The following DNAH10 variants were observed in gnomAD, a reference collection of about 807,000 sequenced individuals.
DNAH10 encodes axonemal beta dynein heavy chain 10.
Under a neutral mutation model 506.6 loss-of-function variants are expected in DNAH10, and 348 were observed. That is an observed-to-expected ratio of 0.69 (90% CI 0.63 to 0.75). The LOEUF is 0.75. Ranked by LOEUF, DNAH10 falls within the 30% of genes least tolerant of loss-of-function variation. The pLI is 0.00. For synonymous variants in DNAH10, 2,059 were observed against 2,198.6 expected, an observed-to-expected ratio of 0.94 and a Z score of 1.78; for missense variants, 5,179 against 5,787.1, an observed-to-expected ratio of 0.89 and a Z score of 3.41.
chr12:123,826,073 G>C (rs1959955122), intron 24 of DNAH10, among the ~76,000 whole-genome samples: 1 of 152,012 alleles, frequency 6.6e-6, no homozygotes, highest in Non-Finnish European at 1.5e-5. Flanking sequence ...GCAATGAACT[G>C]TGATCACACC....
chr12:123,827,971 T>C (rs1960160516), intron 25 of DNAH10, among the ~76,000 whole-genome samples: 1 of 152,122 alleles, frequency 6.6e-6, no homozygotes, highest in South Asian at 2.1e-4. Flanking sequence ...AAGTTCTCGG[T>C]TTTATAATCC....
rs927561826 is a variant in DNAH10 at position 123,846,859 on chromosome 12, C to T, written c.5814+705C>T. On this transcript the variant is annotated intron_variant, in intron 32 of 78. Coordinates refer to ENST00000673944, the MANE Select transcript of DNAH10 (RefSeq NM_001372106.1). This position sits in a 1 kb window ranked among gnomAD's most constrained non-coding sequence, Gnocchi z 4.5. ...TCATACCCACTGTGGATGTGGCATG[C>T]ACCTGGGCCCGTCTCCACATCACAC... Among the ~76,000 whole-genome samples the T allele has an allele frequency of 2.0e-5, 3 of 152,112 alleles. No individual in the cohort carries two copies. Among genetic ancestry groups the T allele is most frequent in the African/African-American group, 7.2e-5 (3 of 41,420 alleles).
chr12:123,871,916 G>A (rs952136956), intron 45 of DNAH10, among the ~76,000 whole-genome samples: 5 of 152,242 alleles, frequency 3.3e-5, no homozygotes, highest in African/African-American at 1.2e-4. Context: ...TGCTCAACAT[G>A]GTAGAGTGAG....
At chr12:123,830,357 G>A (rs963889293) in intron 25 of DNAH10, among the ~76,000 whole-genome samples, 189 bp from the exon 26 acceptor site, 5 of 152,142 alleles carry the variant, frequency 3.3e-5, no homozygotes, top group East Asian at 1.9e-4. Context: ...GTTGTTTTCC[G>A]GTTTAACTCT....
chr12:123,824,980 C>T lies in DNAH10; in HGVS notation c.4180-1707C>T, dbSNP rs1565952326. Among the ~76,000 whole-genome samples the T allele has an allele frequency of 4.6e-5, 7 of 151,948 alleles. No individual in the cohort carries two copies. The South Asian group carries it at 1.5e-3, about 32-fold the overall frequency. ...GAGTGGGGTTGGTGGAGGAGAGGAG[C>T]GAGGTCTGAGCCTGGGTCTCTCCAA... On this transcript the variant is annotated intron_variant, in intron 24 of 78. Transcript: ENST00000673944.
chr12:123,910,740 A>G, intron 59 of DNAH10, 68 bp downstream of exon 59: 2 of 1,552,692 alleles, frequency 1.3e-6, no homozygotes, highest in Non-Finnish European at 8.7e-7. Flanking sequence ...ATTCACATGT[A>G]CATACCTTTG....
chr12:123,859,224 G>A lies in DNAH10; in HGVS notation c.6705G>A (p.Gly2235=), dbSNP rs1290578911. ...HTTMVVGPTR[G]GKSVVINTLC... Reference sequence around the variant, plus strand: ...CGATGGTGGTGGGGCCCACCAGAGGGGGCAAGTCCGTCGTCATTAACACTC... The same window carrying A: ...CGATGGTGGTGGGGCCCACCAGAGGAGGCAAGTCCGTCGTCATTAACACTC... The change falls in exon 38 of 79, where the codon GGG becomes GGA. Residue 2235 remains glycine, a synonymous_variant. Transcript: ENST00000673944. The A allele has an allele frequency of 6.2e-7, 1 of 1,610,888 alleles. No individual in the cohort carries two copies. The highest frequency in any genetic ancestry group is 1.1e-5 in the South Asian group (1 of 90,100).
chr12:123,848,998 G>A, intron 34 of DNAH10, 116 bp downstream of exon 34: 2 of 1,264,160 alleles, frequency 1.6e-6, no homozygotes, highest in East Asian at 2.5e-5. Context: ...CAGGCTTCCT[G>A]TAGAAGATCT....
intron 44 of DNAH10, among the ~76,000 whole-genome samples, chr12:123,870,864 C>T (rs1042566123): frequency 3.9e-5 from 6 of 152,216 alleles, no homozygotes; most frequent in Admixed American, 3.9e-4. Context: ...AGGGCGCTGG[C>T]TTGAAAAGCT....
rs373996384 is a variant in DNAH10 at position 123,918,965 on chromosome 12, A to G, written c.11506+16A>G. 6.3e-7 allele frequency: 1 copy of G among 1,592,604 alleles called. No individual in the cohort carries two copies. Among genetic ancestry groups the G allele is most frequent in the Non-Finnish European group, 8.6e-7 (1 of 1,166,582 alleles). On this transcript the variant is annotated intron_variant, in intron 65 of 78. Transcript: ENST00000673944. ...GGCTGCACAGGTGAGCTCTCCCCAC[A>G]GAGGAGGACATGTTAGTGTAGTTTG... is the stretch of plus-strand genomic sequence containing the variant.
At chr12:123,910,762 C>T in intron 59 of DNAH10, 90 bp downstream of exon 59, 2 of 1,496,868 alleles carry the variant, frequency 1.3e-6, no homozygotes, top group African/African-American at 2.8e-5. Context: ...TGAAAAACTT[C>T]TCCCGAGGTT....
Position 123,813,616 on chromosome 12 carries a change from C to G in DNAH10, c.3597C>G (p.Leu1199=), listed in dbSNP as rs1207152421. ...KLLNESAKEE[L]YNLHEEMEHL... ...TCAATGAGTCAGCAAAAGAGGAGCT[C>G]TATAATCTCCATGAAGAGATGGAGG... The change falls in exon 20 of 79, where the codon CTC becomes CTG. Residue 1199 remains leucine (L), a synonymous_variant. Transcript: ENST00000673944. 6.2e-7 allele frequency: 1 copy of G among 1,614,148 alleles called. No homozygotes were observed. The highest frequency in any genetic ancestry group is 2.2e-5 in the East Asian group (1 of 44,890).
intron 59 of DNAH10, 128 bp from the exon 60 acceptor site, chr12:123,912,970 C>A: frequency 1.2e-6 from 1 of 849,800 alleles, no homozygotes; most frequent in Non-Finnish European, 1.8e-6. Flanking sequence ...CTCAACATAG[C>A]ATATAGAGGC....
Position 123,928,407 on chromosome 12 carries a change from G to T in DNAH10, c.12126G>T (p.Glu4042Asp), listed in dbSNP as rs1290153671. 1.2e-6 allele frequency: 2 copies of T among 1,603,784 alleles called. No individual in the cohort carries two copies. The highest frequency in any genetic ancestry group is 2.7e-5 in the African/African-American group (2 of 74,816). ...GQEKVALQLLETAVARGQWLM... is the reference protein window; with the variant it reads ...GQEKVALQLLDTAVARGQWLM... ...CGCAGGTGGCCCTGCAGCTGCTGGA[G>T]ACGGCGGTGGCTCGGGGGCAGTGGC... is the stretch of plus-strand genomic sequence containing the variant. Residue 4042 changes from glutamate to aspartate, a missense_variant, in exon 70 of 79, where the codon GAG becomes GAT. Glu to Asp is a conservative substitution (Grantham distance 45, BLOSUM62 2). Around this residue, in one of 3 missense-constraint regions of DNAH10, gnomAD observed 4,844 missense variants for 5,430.5 expected, o/e 0.89. Coordinates refer to ENST00000673944, the MANE Select transcript of DNAH10 (RefSeq NM_001372106.1). The surrounding 1 kb of genome is among the most constrained non-coding windows in gnomAD (Gnocchi z 4.9).
chr12:123,934,478 G>C, intron 77 of DNAH10, 143 bp from the exon 78 acceptor site: 1 of 1,016,494 alleles, frequency 9.8e-7, no homozygotes, highest in East Asian at 2.6e-5. Flanking sequence ...AGAAATGCTG[G>C]AGAAGGGCCT....
At chr12:123,793,256 T>C (rs903057568) in intron 11 of DNAH10, among the ~76,000 whole-genome samples, 4 of 152,056 alleles carry the variant, frequency 2.6e-5, no homozygotes, top group African/African-American at 4.8e-5. Context: ...CTAAGCCTTC[T>C]GGAGTTTCTT....
At chr12:123,821,523 A>G (rs139376298) in intron 24 of DNAH10, among the ~76,000 whole-genome samples, 61 of 152,098 alleles carry the variant, frequency 4.0e-4, no homozygotes, top group African/African-American at 1.3e-3. Flanking sequence ...AGTAGAGGCA[A>G]TGTCTCACTG....
At position 123,897,079 on chromosome 12, in the gene DNAH10, T is replaced by C. The variant is rs146925177; in HGVS notation, c.9281-691T>C. 3.2e-3 allele frequency among the ~76,000 whole-genome samples: 483 copies of C among 152,214 alleles called. 4 individuals carry two copies. The highest frequency in any genetic ancestry group is 0.011 in the African/African-American group (448 of 41,546). On this transcript the variant is annotated intron_variant, in intron 54 of 78. Transcript: ENST00000673944. The stretch of plus-strand genomic sequence containing the variant: ...ATGAATTTGCCTGTTCTAGAGAGGG[T>C]TCGTATAAGTGGAATCATGCAATGT...
intron 18 of DNAH10, 141 bp from the exon 19 acceptor site, chr12:123,808,655 AC>A (rs1958807541): frequency 2.2e-5 from 17 of 781,888 alleles, no homozygotes; most frequent in Non-Finnish European, 3.5e-5. Flanking sequence ...AGTAAGACTC[AC>A]CCCAGCCTGT....
Sources: gnomAD v4.1 joint callset for allele counts (sites outside exome capture counted in the v4.1 genomes callset) on GRCh38, gnomAD v4.1.1 for gene constraint, gnomAD v4.1.1 regional missense constraint, Gnocchi (gnomAD v3.1) non-coding constraint, MANE v1.5 for transcripts, NCBI Gene and HGNC (gene_info 2026-07-23, HGNC 2026-07-21) for gene names.